Variants in ARHGAP15 observed in about 807,000 individuals in gnomAD.
The protein encoded by ARHGAP15 is Rho GTPase activating protein 15.
A neutral mutation model predicts 63.7 loss-of-function variants in ARHGAP15; 51 were observed. The ratio of observed to expected loss-of-function variants is 0.80; its 90% CI spans 0.64 to 1.01. The LOEUF is 1.01. ARHGAP15 is among the 50% of genes least tolerant of loss of function. ARHGAP15 has a pLI of 0.00. For synonymous variants in ARHGAP15, 191 were observed against 193.8 expected (o/e 0.99, Z 0.12); for missense variants, 560 against 564.6 (o/e 0.99, Z 0.08).
Position 143,587,544 on chromosome 2 carries a change from A to T in ARHGAP15, c.1003+31059A>T, listed in dbSNP as rs562810467. 9.8e-4 allele frequency: 268 copies of T among 274,112 alleles called. 1 individual carries two copies. Among genetic ancestry groups the T allele is most frequent in the African/African-American group, 4.0e-3 (182 of 45,298 alleles). The allele number at this position is 274,112 out of a possible 1,614,324, so 17.0% of individuals were successfully genotyped here. On this transcript the variant is annotated intron_variant, in intron 11 of 13. Coordinates refer to ENST00000295095, the MANE Select transcript of ARHGAP15 (RefSeq NM_018460.4). ...CGGTCTTACTTCAAACATTACTTTT[A>T]AAAAAAAGCCTCTTTCTATTGAATT... is the stretch of plus-strand genomic sequence containing the variant.
chr2:143,155,150 A>G (rs565632261), intron 1 of ARHGAP15, among the ~76,000 whole-genome samples: 16 of 152,058 alleles, frequency 1.1e-4, no homozygotes, highest in African/African-American at 3.4e-4. Flanking sequence ...TCCTCAAGAC[A>G]GTTGGTGGGC....
intron 8 of ARHGAP15, among the ~76,000 whole-genome samples, chr2:143,443,463 A>G (rs1214385504): frequency 1.3e-5 from 2 of 150,430 alleles, no homozygotes; most frequent in Non-Finnish European, 3.0e-5. Context: ...AACTAGCGCC[A>G]CTCTGGTACC....
chr2:143,583,739 A>G (rs900489365), intron 11 of ARHGAP15, among the ~76,000 whole-genome samples: 3 of 152,206 alleles, frequency 2.0e-5, no homozygotes, highest in Non-Finnish European at 4.4e-5. Context: ...CTGACAAACA[A>G]CTACTTTTAT....
chr2:143,707,643 TG>T (rs1684391312), intron 13 of ARHGAP15, among the ~76,000 whole-genome samples: 1 of 152,100 alleles, frequency 6.6e-6, no homozygotes, highest in Admixed American at 6.5e-5. Context: ...CACATAGAGG[TG>T]AAAAGTTTAT....
chr2:143,734,786 GT>G (rs1685681727), intron 13 of ARHGAP15, among the ~76,000 whole-genome samples: 1 of 152,086 alleles, frequency 6.6e-6, no homozygotes, highest in Admixed American at 6.5e-5. Context: ...ATGGATTTCT[GT>G]TTCTACATGG....
intron 10 of ARHGAP15, among the ~76,000 whole-genome samples, chr2:143,533,641 G>T (rs1050967814): frequency 6.6e-6 from 1 of 152,186 alleles, no homozygotes; most frequent in South Asian, 2.1e-4. Context: ...ATAAGGCAAA[G>T]AAAGGGAAAA....
intron 6 of ARHGAP15, among the ~76,000 whole-genome samples, chr2:143,336,956 G>C (rs1232358405): frequency 6.6e-6 from 1 of 152,140 alleles, no homozygotes; most frequent in Non-Finnish European, 1.5e-5. Flanking sequence ...GGAGTTTACA[G>C]GCTGTAAGGA....
At chr2:143,307,298 G>A (rs1443838881) in intron 6 of ARHGAP15, among the ~76,000 whole-genome samples, 1 of 152,072 alleles carries the variant, frequency 6.6e-6, no homozygotes, top group Non-Finnish European at 1.5e-5. Flanking sequence ...CCACAGGAGT[G>A]ATATCCCTCA....
At chr2:143,236,204 C>T (rs1232444837) in intron 5 of ARHGAP15, 4 of 391,442 alleles carry the variant, frequency 1.0e-5, no homozygotes, top group African/African-American at 4.2e-5. Flanking sequence ...GATCCCTGCT[C>T]TTAAAGTACT....
chr2:143,684,312 T>C (rs1260892917), intron 12 of ARHGAP15, among the ~76,000 whole-genome samples: 2 of 152,166 alleles, frequency 1.3e-5, no homozygotes, highest in Non-Finnish European at 2.9e-5. Flanking sequence ...TCAAAGGACA[T>C]CCTTCACTCA....
In ARHGAP15 at chr2:143,646,607, C is replaced by T. The variant is rs370132048; in HGVS notation, c.1138+22340C>T. Among the ~76,000 whole-genome samples the T allele has an allele frequency of 2.6e-5, 4 of 152,142 alleles. 1 individual carries two copies. The highest frequency in any genetic ancestry group is 3.9e-4 in the East Asian group (2 of 5,160). On this transcript the variant is annotated intron_variant, in intron 12 of 13. Transcript: ENST00000295095. ...TTAAGTCTGGATGATTTACATGTAA[C>T]ATTTTAAACTCCAGTTGTGTAATGC... is the stretch of plus-strand genomic sequence containing the variant.
At chr2:143,398,952 G>A (rs1305116364) in intron 6 of ARHGAP15, among the ~76,000 whole-genome samples, 2 of 152,028 alleles carry the variant, frequency 1.3e-5, no homozygotes, top group Non-Finnish European at 2.9e-5. Context: ...TGGTGAACAG[G>A]CGTTAAAGAC....
intron 8 of ARHGAP15, among the ~76,000 whole-genome samples, chr2:143,481,491 A>G (rs1692078815): frequency 6.6e-6 from 1 of 152,200 alleles, no homozygotes; most frequent in Admixed American, 6.5e-5. Flanking sequence ...GTATTTCAAA[A>G]TAAGGTCCCC....
intron 4 of ARHGAP15, among the ~76,000 whole-genome samples, chr2:143,227,202 CT>C (rs1693244715): frequency 6.6e-6 from 1 of 152,100 alleles, no homozygotes; most frequent in African/African-American, 2.4e-5. Context: ...TATATTCTAA[CT>C]ATAGAAGCAA....
chr2:143,168,303 C>T (rs1019471730), intron 2 of ARHGAP15, among the ~76,000 whole-genome samples: 3 of 151,992 alleles, frequency 2.0e-5, no homozygotes, highest in Admixed American at 6.6e-5. Flanking sequence ...TCAGCCTCCC[C>T]AGTAGCTAGG....
intron 6 of ARHGAP15, among the ~76,000 whole-genome samples, chr2:143,306,635 A>G (rs950952869): frequency 9.9e-5 from 15 of 152,128 alleles, no homozygotes; most frequent in African/African-American, 3.6e-4. Flanking sequence ...ACTAGTCTGA[A>G]GACCATTAGG....
At chr2:143,701,079 AT>A (rs1319244260) in intron 12 of ARHGAP15, among the ~76,000 whole-genome samples, 1 of 152,016 alleles carries the variant, frequency 6.6e-6, no homozygotes, top group East Asian at 1.9e-4. Flanking sequence ...AATAACTGCA[AT>A]TTTGAAAGCT....
intron 6 of ARHGAP15, among the ~76,000 whole-genome samples, chr2:143,371,181 C>T (rs556884929): frequency 3.9e-5 from 6 of 152,156 alleles, no homozygotes; most frequent in Admixed American, 6.5e-5. Flanking sequence ...CTTTAAGTTC[C>T]GGGATACATG....
chr2:143,345,683 T>G (rs1363523933), intron 6 of ARHGAP15, among the ~76,000 whole-genome samples: 1 of 152,090 alleles, frequency 6.6e-6, no homozygotes, highest in Non-Finnish European at 1.5e-5. Flanking sequence ...GTGCAAAAAT[T>G]TATAATTGTT....
Sources: gnomAD v4.1 joint callset for allele counts (sites outside exome capture counted in the v4.1 genomes callset) on GRCh38, gnomAD v4.1.1 for gene constraint, MANE v1.5 for transcripts, NCBI Gene and HGNC (gene_info 2026-07-23, HGNC 2026-07-21) for gene names.